ENPP6: variants seen among roughly 807,000 people sequenced by gnomAD.
The protein encoded by ENPP6 is glycerophosphocholine cholinephosphodiesterase ENPP6.
In ENPP6, 32 loss-of-function variants were observed where a neutral mutation model predicts 42.0. The ratio of observed to expected loss-of-function variants is 0.76; its 90% CI spans 0.58 to 1.02. The LOEUF (loss-of-function observed/expected upper bound fraction) is 1.02. Ranked by LOEUF, ENPP6 falls within the 50% of genes least tolerant of loss-of-function variation. ENPP6 has a pLI of 0.00. For missense variants in ENPP6, 552 were observed against 566.8 expected, an observed-to-expected ratio of 0.97 and a Z score of 0.27; for synonymous variants, 213 against 216.0, an observed-to-expected ratio of 0.99 and a Z score of 0.12.
intron 1 of ENPP6, among the ~76,000 whole-genome samples, chr4:184,174,295 G>A (rs1265874445): frequency 7.9e-5 from 12 of 151,964 alleles, no homozygotes; most frequent in East Asian, 3.9e-4. Flanking sequence ...CCGCCACCAC[G>A]CCTGGCTAAT....
chr4:184,089,368 C>T lies in ENPP6; in HGVS notation c.*1809G>A, dbSNP rs956108223. ...ATATTCAGTTTTCAAGGTAACACAC[C>T]ATATAAGGCCTCCATCGTCCTGAGG... On this transcript the variant is annotated 3_prime_UTR_variant, in exon 8 of 8. Coordinates refer to ENST00000296741, the MANE Select transcript of ENPP6 (RefSeq NM_153343.4). 17 of 152,114 alleles carry T rather than the reference C, an allele frequency of 1.1e-4. No homozygotes were observed. Among genetic ancestry groups the T allele is most frequent in the African/African-American group, 4.1e-4 (17 of 41,414 alleles). The allele number at this position is 152,114 out of a possible 1,614,324, so 9.4% of individuals were successfully genotyped here. A position where few individuals can be genotyped will look rare whatever the true frequency, so the allele number is the denominator to read the frequency against.
chr4:184,130,574 A>AC lies in ENPP6; in HGVS notation c.422-6303_422-6302insG, dbSNP rs565774894. On this transcript the variant is annotated intron_variant, in intron 2 of 7. Coordinates refer to ENST00000296741, the MANE Select transcript of ENPP6 (RefSeq NM_153343.4). Reference sequence around the variant, plus strand: ...CTCCAAATCAAACAAAACAAAACAAAAAAAAAAGAGCTTGGGTTTTAAAAA... The same window carrying AC: ...CTCCAAATCAAACAAAACAAAACAAACAAAAAAAGAGCTTGGGTTTTAAAAA... 1.3e-3 allele frequency among the ~76,000 whole-genome samples: 182 copies of AC among 143,798 alleles called. 32 individuals carry two copies. In the South Asian group the frequency reaches 0.041, roughly 32 times the overall value. 94.3% of individuals were successfully genotyped at this position (143,798 alleles called of 152,430 possible).
intron 1 of ENPP6, 34 bp downstream of exon 1, chr4:184,217,545 C>T (rs1275273597): frequency 1.9e-6 from 3 of 1,609,604 alleles, no homozygotes; most frequent in Non-Finnish European, 2.6e-6. Context: ...TGCCAGCCCT[C>T]CCCTCCCTGC....
rs1371063594 is a variant in ENPP6 at position 184,122,399 on chromosome 4, C to T, written c.533+1762G>A. 2.1e-5 allele frequency among the ~76,000 whole-genome samples: 3 copies of T among 143,886 alleles called. No individual in the cohort carries two copies. The South Asian group carries it at 6.8e-4, about 33-fold the overall frequency. The allele number at this position is 143,886 out of a possible 152,430, so 94.4% of individuals were successfully genotyped here. On this transcript the variant is annotated intron_variant, in intron 3 of 7. Transcript: ENST00000296741. ...ACCCAATACCTATGGTAGACACACA[C>T]TCATACACCACCACCACCACCACCA...
intron 2 of ENPP6, among the ~76,000 whole-genome samples, chr4:184,127,504 C>T (rs78466269): frequency 3.3e-5 from 5 of 152,094 alleles, no homozygotes; most frequent in Non-Finnish European, 7.4e-5. Context: ...TTATTTAAAA[C>T]GCAGAGGTGG....
At chr4:184,109,225 AAC>A (rs1388654214) in intron 6 of ENPP6, among the ~76,000 whole-genome samples, 13 of 140,024 alleles carry the variant, frequency 9.3e-5, no homozygotes, top group African/African-American at 3.8e-4. Context: ...ACAAAACAAC[AAC>A]AACAACAAAA....
intron 1 of ENPP6, among the ~76,000 whole-genome samples, chr4:184,200,882 G>A (rs575533802): frequency 2.6e-5 from 4 of 152,364 alleles, no homozygotes; most frequent in Admixed American, 1.3e-4. Flanking sequence ...TCCCATGCAC[G>A]TGCTCTTGAA....
At chr4:184,129,231 C>T (rs1427271289) in intron 2 of ENPP6, among the ~76,000 whole-genome samples, 2 of 150,636 alleles carry the variant, frequency 1.3e-5, no homozygotes, top group Admixed American at 6.6e-5. Flanking sequence ...GTTTTGAAAA[C>T]TTTTTGTCTG....
In ENPP6 at chr4:184,125,743, A is replaced by C. The variant is rs552634131; in HGVS notation, c.422-1471T>G. Among the ~76,000 whole-genome samples the C allele has an allele frequency of 3.3e-5, 5 of 152,326 alleles. No individual in the cohort carries two copies. The East Asian group carries it at 9.6e-4, about 29-fold the overall frequency. On this transcript the variant is annotated intron_variant, in intron 2 of 7. Transcript: ENST00000296741. ...CTGTGACAGAACTAGAAAAGCAGGAAGTTTCCTTTTCCAAAACATGTTTTT... is the reference window on the plus strand; with the variant it reads ...CTGTGACAGAACTAGAAAAGCAGGACGTTTCCTTTTCCAAAACATGTTTTT...
At chr4:184,138,822 C>G (rs1433752987) in intron 2 of ENPP6, among the ~76,000 whole-genome samples, 1 of 152,190 alleles carries the variant, frequency 6.6e-6, no homozygotes, top group Non-Finnish European at 1.5e-5. Flanking sequence ...GAGGTGAGAT[C>G]CATCTGACAA....
intron 5 of ENPP6, among the ~76,000 whole-genome samples, chr4:184,116,247 T>C (rs1736312684): frequency 6.6e-6 from 1 of 151,836 alleles, no homozygotes; most frequent in Non-Finnish European, 1.5e-5. Context: ...CAAACAGCCC[T>C]GGTGAGGGCC....
intron 2 of ENPP6, among the ~76,000 whole-genome samples, chr4:184,137,179 C>A (rs972733508): frequency 2.5e-4 from 38 of 152,230 alleles, no homozygotes; most frequent in African/African-American, 8.9e-4. Flanking sequence ...TCACTGCAAC[C>A]TCCGCCTTCC....
chr4:184,170,681 T>C (rs1264391858), intron 1 of ENPP6, among the ~76,000 whole-genome samples: 1 of 152,194 alleles, frequency 6.6e-6, no homozygotes, highest in African/African-American at 2.4e-5. Flanking sequence ...GACTCCTAGT[T>C]TGATCTACAG....
chr4:184,131,264 C>CTTCCTTCCT (rs1486861928), intron 2 of ENPP6, among the ~76,000 whole-genome samples: 3 of 62,122 alleles, frequency 4.8e-5, no homozygotes, highest in Admixed American at 4.4e-4. Context: ...CTTTCTCTTC[C>CTTCCTTCCT]TTCCTTCCTT....
At chr4:184,145,493 C>T (rs1736902572) in intron 2 of ENPP6, among the ~76,000 whole-genome samples, 4 of 152,222 alleles carry the variant, frequency 2.6e-5, no homozygotes, top group Admixed American at 2.6e-4. Context: ...AGGTTGGTCT[C>T]CTTTGCCCGC....
intron 3 of ENPP6, among the ~76,000 whole-genome samples, chr4:184,123,062 C>A (rs559997303): frequency 3.0e-4 from 45 of 152,204 alleles, no homozygotes; most frequent in Non-Finnish European, 5.6e-4. Context: ...GAGCATGAAC[C>A]TTTATGAACC....
At chr4:184,215,115 T>C (rs1053490341) in intron 1 of ENPP6, among the ~76,000 whole-genome samples, 7 of 152,156 alleles carry the variant, frequency 4.6e-5, no homozygotes, top group Non-Finnish European at 1.0e-4. Flanking sequence ...GCCTGAAGTC[T>C]CCAAGCAAGT....
intron 2 of ENPP6, among the ~76,000 whole-genome samples, chr4:184,149,485 T>A (rs983997308): frequency 2.0e-5 from 3 of 152,224 alleles, no homozygotes; most frequent in Non-Finnish European, 2.9e-5. Context: ...AGTGTGGGAT[T>A]GGAAACCAGG....
chr4:184,092,844 G>T (rs1344900822), intron 7 of ENPP6, among the ~76,000 whole-genome samples: 1 of 152,210 alleles, frequency 6.6e-6, no homozygotes, highest in Admixed American at 6.5e-5. Flanking sequence ...AATAATCTTT[G>T]TAATTGCTTT....
Sources: allele counts gnomAD v4.1 joint callset (sites outside exome capture counted in the v4.1 genomes callset), GRCh38; gene constraint gnomAD v4.1.1; transcripts MANE v1.5; gene names NCBI Gene and HGNC (gene_info 2026-07-23, HGNC 2026-07-21).